The following CYP51A1 variants were observed in gnomAD, a reference collection of about 807,000 sequenced individuals.
CYP51A1 encodes the protein lanosterol 14-alpha demethylase.
Under a neutral mutation model 53.5 loss-of-function variants are expected in CYP51A1, and 45 were observed. The ratio of observed to expected loss-of-function variants is 0.84; its 90% CI spans 0.66 to 1.08. CYP51A1 has a LOEUF of 1.08. CYP51A1 is among the 50% of genes least tolerant of loss of function. The pLI is 0.00. For missense variants in CYP51A1, 462 were observed against 621.7 expected (o/e 0.74, Z 2.73); for synonymous variants, 181 against 217.7 (o/e 0.83, Z 1.48).
intron 5 of CYP51A1, among the ~76,000 whole-genome samples, chr7:92,124,843 G>A (rs1819762469): frequency 6.6e-6 from 1 of 152,180 alleles, no homozygotes; most frequent in African/African-American, 2.4e-5. Flanking sequence ...AAACAGGCAG[G>A]TAGAAATGTA....
chr7:92,128,293 C>G (rs1819841419), intron 3 of CYP51A1, among the ~76,000 whole-genome samples: 1 of 152,080 alleles, frequency 6.6e-6, no homozygotes, highest in African/African-American at 2.4e-5. Flanking sequence ...TATTGTTTAG[C>G]CATGACAGCA....
At chr7:92,118,396 G>T (rs1315774339) in intron 8 of CYP51A1, 124 bp downstream of exon 8, 2 of 693,800 alleles carry the variant, frequency 2.9e-6, no homozygotes, top group Non-Finnish European at 5.2e-6. Context: ...CTGGCCTCAA[G>T]TGATCCTCCC....
chr7:92,134,484 A>T, upstream of CYP51A1: 1 of 1,100,202 alleles, frequency 9.1e-7, no homozygotes, highest in Non-Finnish European at 1.3e-6. Flanking sequence ...TACTAAACCC[A>T]GCCCCACCCC....
chr7:92,118,707 T>A (rs1280289351), intron 7 of CYP51A1, 92 bp from the exon 8 acceptor site: 1 of 737,216 alleles, frequency 1.4e-6, no homozygotes, highest in East Asian at 2.6e-5. Flanking sequence ...ACAAGACAGC[T>A]TGCATTCCAG....
intron 1 of CYP51A1, among the ~76,000 whole-genome samples, chr7:92,132,232 A>G (rs1388683886): frequency 6.6e-6 from 1 of 152,224 alleles, no homozygotes; most frequent in Admixed American, 6.5e-5. Context: ...GTCAAACTAC[A>G]CTTGTCCCTT....
chr7:92,116,993 C>A (rs754551613), intron 9 of CYP51A1, 51 bp downstream of exon 9: 30 of 1,503,904 alleles, frequency 2.0e-5, no homozygotes, highest in Non-Finnish European at 2.7e-5. Flanking sequence ...TTGACAGAGA[C>A]AAATATGTTA....
intron 2 of CYP51A1, among the ~76,000 whole-genome samples, chr7:92,129,415 T>C (rs1350892647): frequency 1.3e-5 from 2 of 152,224 alleles, no homozygotes; most frequent in African/African-American, 2.4e-5. Flanking sequence ...AATTCTGTGA[T>C]GAACACCTCT....
At position 92,118,742 on chromosome 7, in the gene CYP51A1, C is replaced by G. The variant is rs959889656; in HGVS notation, c.1087-127G>C. ...GCTAAAAGTACAGAGGTAACTGGTT[C>G]AGGGTGGCTGGGGTTATCATGCTCT... On this transcript the variant is annotated intron_variant, in intron 7 of 9. Transcript: ENST00000003100. 9.6e-6 allele frequency: 6 copies of G among 623,866 alleles called. No individual in the cohort carries two copies. In the African/African-American group the frequency reaches 1.1e-4, roughly 11 times the overall value. 38.6% of individuals were successfully genotyped at this position (623,866 alleles called of 1,614,324 possible).
rs375056689 is a variant in CYP51A1 at position 92,126,301 on chromosome 7, C to G, written c.722G>C (p.Ser241Thr). ...QLYADLDGGFSHAAWLLPGWL... is the reference protein window; with the variant it reads ...QLYADLDGGFTHAAWLLPGWL... ...ACCTGGTAAGAGCCAGGCTGCATGG[C>G]TGAAACCTCCATCCAAATCTGCATA... The change falls in exon 5 of 10, where the codon AGC becomes ACC. Residue 241 changes from serine (S) to threonine (T), a missense_variant. By Grantham distance (58) the Ser-to-Thr change is moderately conservative (BLOSUM62 1). Coordinates refer to ENST00000003100, the MANE Select transcript of CYP51A1 (RefSeq NM_000786.4). 6.2e-7 allele frequency: 1 copy of G among 1,611,366 alleles called. No individual in the cohort carries two copies. The highest frequency in any genetic ancestry group is 8.5e-7 in the Non-Finnish European group (1 of 1,179,518).
rs1295312918 is a variant in CYP51A1, at chr7:92,113,054, G to C, written c.*611C>G. The C allele has an allele frequency of 6.6e-6, 1 of 152,066 alleles. No homozygotes were observed. The highest frequency in any genetic ancestry group is 6.5e-5 in the Admixed American group (1 of 15,272). 9.4% of individuals were successfully genotyped at this position (152,066 alleles called of 1,614,324 possible). On this transcript the variant is annotated 3_prime_UTR_variant, in exon 10 of 10. Coordinates refer to ENST00000003100, the MANE Select transcript of CYP51A1 (RefSeq NM_000786.4). ...AGGAACTCTTATCAAATATGGTCCT[G>C]GATCTCTTAATTTCCCATATGCAGT...
chr7:92,134,572 T>C, upstream of CYP51A1: 1 of 558,496 alleles, frequency 1.8e-6, no homozygotes, highest in South Asian at 2.4e-5. Context: ...TAAATAACAC[T>C]CTGTGAAGCC....
At chr7:92,132,241 T>C (rs1819936984) in intron 1 of CYP51A1, among the ~76,000 whole-genome samples, 1 of 152,348 alleles carries the variant, frequency 6.6e-6, no homozygotes, top group Admixed American at 6.5e-5. Context: ...CACTTGTCCC[T>C]TGGCATTTGT....
Sources: allele counts gnomAD v4.1 joint callset (sites outside exome capture counted in the v4.1 genomes callset), GRCh38; gene constraint gnomAD v4.1.1; transcripts MANE v1.5; gene names NCBI Gene and HGNC (gene_info 2026-07-23, HGNC 2026-07-21).